Variants in ATM observed in about 807,000 individuals in gnomAD.
ATM encodes the protein ATM serine/threonine kinase.
A neutral mutation model predicts 387.0 loss-of-function variants in ATM; 308 were observed. The observed-to-expected ratio is 0.80, with a 90% CI of 0.73 to 0.87. ATM has a LOEUF of 0.87. Among genes scored for constraint, ATM ranks in the 40% least tolerant of loss-of-function variants. The pLI, the probability that ATM is intolerant of heterozygous loss-of-function variation, is 0.00. For missense variants in ATM, 3,312 were observed against 3,560.9 expected (o/e 0.93, Z 1.78); for synonymous variants, 1,156 against 1,187.3 (o/e 0.97, Z 0.54).
intron 43 of ATM, among the ~76,000 whole-genome samples, chr11:108,318,222 C>G (rs759964099): frequency 2.6e-5 from 4 of 151,784 alleles, no homozygotes; most frequent in Non-Finnish European, 5.9e-5. Flanking sequence ...ATTAGCCAGG[C>G]GTGGCAGCAT....
At position 108,367,371 on chromosome 11, in the gene ATM, T is replaced by G. The variant is rs1293539138; in HGVS notation, c.*1863T>G. On this transcript the variant is annotated 3_prime_UTR_variant, in exon 63 of 63. Transcript: ENST00000675843. Reference sequence around the variant, plus strand: ...TTAAAAGAATGTTTTCTACATTTTATCCAGCATTTCTCTGTGTTCTGTTGG... The same window carrying G: ...TTAAAAGAATGTTTTCTACATTTTAGCCAGCATTTCTCTGTGTTCTGTTGG... 2 of 191,158 alleles carry G rather than the reference T, an allele frequency of 1.0e-5. No homozygotes were observed. The highest frequency in any genetic ancestry group is 4.7e-5 in the African/African-American group (2 of 42,962). The allele number at this position is 191,158 out of a possible 1,614,324, so 11.8% of individuals were successfully genotyped here.
chr11:108,254,062 C>G (rs2135372770), intron 13 of ATM, 23 bp downstream of exon 13: 1 of 1,604,152 alleles, frequency 6.2e-7, no homozygotes, highest in Non-Finnish European at 8.5e-7. Context: ...AAAAAAAGAA[C>G]TAAGCTTATA....
At chr11:108,284,080 T>C in intron 25 of ATM, 147 bp from the exon 26 acceptor site, 3 of 627,682 alleles carry the variant, frequency 4.8e-6, no homozygotes, top group Non-Finnish European at 7.6e-6. Context: ...AATTTTTCCA[T>C]TTATAAAATT....
chr11:108,291,298 A>C (rs1198237065), intron 29 of ATM, among the ~76,000 whole-genome samples: 1 of 152,212 alleles, frequency 6.6e-6, no homozygotes, highest in East Asian at 1.9e-4. Flanking sequence ...AGCATCTCTG[A>C]TCTTTTCCAT....
rs780315379 is a variant in ATM, at chr11:108,271,162, CTTATG to C, written c.2921+24_2921+28del. The C allele has an allele frequency of 3.0e-5, 48 of 1,613,224 alleles. No homozygotes were observed. Among genetic ancestry groups the C allele is most frequent in the African/African-American group, 4.0e-5 (3 of 74,752 alleles). On this transcript the variant is annotated intron_variant, in intron 19 of 62. Transcript: ENST00000675843. ...AACCACTATCGTAAGAAATTAAAAC[CTTATG>C]TTATGTTCACTTTAAAGTTATAAAA... is the stretch of plus-strand genomic sequence containing the variant.
chr11:108,323,132 G>T (rs750583622), intron 45 of ATM, among the ~76,000 whole-genome samples: 3 of 152,170 alleles, frequency 2.0e-5, no homozygotes, highest in Non-Finnish European at 4.4e-5. Flanking sequence ...TGTTTTGGAA[G>T]TAGAAAAGAG....
Position 108,365,107 on chromosome 11 carries a change from A to C in ATM, c.8876A>C (p.Asp2959Ala). 3 of 1,614,128 alleles carry C rather than the reference A, an allele frequency of 1.9e-6. No individual in the cohort carries two copies. The highest frequency in any genetic ancestry group is 1.7e-5 in the Admixed American group (1 of 60,014). The change falls in exon 62 of 63, where the codon GAC becomes GCC. Residue 2959 changes from aspartate (D) to alanine (A), a missense_variant. Coordinates refer to ENST00000675843, the MANE Select transcript of ATM (RefSeq NM_000051.4). ...GTCCTTCTATATGATCCACTCTTTG[A>C]CTGGACCATGAATCCTTTGAAAGCT... ...VEVLLYDPLF[D>A]WTMNPLKALY...
chr11:108,316,648 G>A (rs958142840), intron 42 of ATM, among the ~76,000 whole-genome samples: 2 of 150,638 alleles, frequency 1.3e-5, no homozygotes, highest in African/African-American at 2.4e-5. Context: ...GGTGGCTTGC[G>A]CCTGTAATCC....
chr11:108,354,480 C>A lies in ATM; in HGVS notation c.8787-331C>A, dbSNP rs952779022. Among the ~76,000 whole-genome samples the A allele has an allele frequency of 3.3e-5, 5 of 152,340 alleles. No homozygotes were observed. In the East Asian group the frequency reaches 7.7e-4, roughly 23 times the overall value. On this transcript the variant is annotated intron_variant, in intron 60 of 62. Transcript: ENST00000675843. ...TCCCAGCATAGGTCTGTGTACTCAA[C>A]TTGGATTGGGGCAGATTGCAGTCAG... is the stretch of plus-strand genomic sequence containing the variant.
Position 108,284,458 on chromosome 11 carries a change from C to A in ATM, c.3978C>A (p.Asn1326Lys), listed in dbSNP as rs778123057. Residue 1326 changes from asparagine to lysine, a missense_variant, in exon 26 of 63, where the codon AAC (asparagine) becomes AAA (lysine). Asn to Lys is a moderately conservative substitution (Grantham distance 94). Coordinates refer to ENST00000675843, the MANE Select transcript of ATM (RefSeq NM_000051.4). ...TCTATGATATGCTTAAAAGTGAAAACTTATTGGGAAAACAGGTATGGCTTC... is the reference window on the plus strand; with the variant it reads ...TCTATGATATGCTTAAAAGTGAAAAATTATTGGGAAAACAGGTATGGCTTC... ...TKVYDMLKSE[N>K]LLGKQIDHLF... The A allele has an allele frequency of 7.4e-6, 12 of 1,613,808 alleles. No homozygotes were observed. In the African/African-American group the frequency reaches 1.5e-4, roughly 20 times the overall value.
In ATM at chr11:108,365,713, T is replaced by A. The variant is rs147355837; in HGVS notation, c.*205T>A. Reference sequence around the variant, plus strand: ...AAGGAACATCTCTGCTTTCACTCTTTAGAAATAATGGTCATTCGGGCTGGG... The same window carrying A: ...AAGGAACATCTCTGCTTTCACTCTTAAGAAATAATGGTCATTCGGGCTGGG... On this transcript the variant is annotated 3_prime_UTR_variant, in exon 63 of 63. Transcript: ENST00000675843. 1 of 687,360 alleles carries A rather than the reference T, an allele frequency of 1.5e-6. No individual in the cohort carries two copies. The highest frequency in any genetic ancestry group is 2.9e-5 in the Admixed American group (1 of 33,956). 42.6% of individuals were successfully genotyped at this position (687,360 alleles called of 1,614,324 possible).
At chr11:108,248,268 T>G (rs1416596542) in intron 8 of ATM, among the ~76,000 whole-genome samples, 1 of 152,180 alleles carries the variant, frequency 6.6e-6, no homozygotes, top group African/African-American at 2.4e-5. Context: ...AGTAGTAATT[T>G]CACTCTGTCA....
At chr11:108,273,331 CTTTTTTTTTTTT>C (rs563140198) in intron 22 of ATM, among the ~76,000 whole-genome samples, 29 of 80,656 alleles carry the variant, frequency 3.6e-4, no homozygotes, top group Non-Finnish European at 4.6e-4. Flanking sequence ...TAATTTCATT[CTTTTTTTTTTTT>C]TTTTTTTTTT....
At chr11:108,288,553 T>C (rs1357564376) in intron 27 of ATM, among the ~76,000 whole-genome samples, 1 of 150,840 alleles carries the variant, frequency 6.6e-6, no homozygotes, top group East Asian at 1.9e-4. Context: ...TATAAAATAG[T>C]AATAATATCT....
intron 3 of ATM, 35 bp downstream of exon 3, chr11:108,227,923 T>C: frequency 6.5e-7 from 1 of 1,527,042 alleles, no homozygotes; most frequent in Non-Finnish European, 9.0e-7. Context: ...TGTCTTTATT[T>C]TTCTCTTTCA....
chr11:108,317,114 A>AAC (rs2084734193), intron 42 of ATM, among the ~76,000 whole-genome samples: 1 of 150,514 alleles, frequency 6.6e-6, no homozygotes, highest in East Asian at 2.0e-4. Context: ...AAAAAAAAAA[A>AAC]AAAATTGTAG....
rs2082303886 is a variant in ATM, at chr11:108,282,821, A to G, written c.3688A>G (p.Asn1230Asp). The stretch of plus-strand genomic sequence containing the variant: ...GCTAAATCTTCAAGATACTGAATAC[A>G]ACTTATCTTCTTTTCCTTTTATTTT... ...EWLNLQDTEY[N>D]LSSFPFILLN... The change falls in exon 25 of 63, where the codon AAC (asparagine) becomes GAC (aspartate). Residue 1230 changes from asparagine (N) to aspartate (D), a missense_variant. Coordinates refer to ENST00000675843, the MANE Select transcript of ATM (RefSeq NM_000051.4). The G allele has an allele frequency of 6.4e-7, 1 of 1,552,676 alleles. No homozygotes were observed. Among genetic ancestry groups the G allele is most frequent in the Non-Finnish European group, 8.9e-7 (1 of 1,125,440 alleles).
intron 56 of ATM, among the ~76,000 whole-genome samples, chr11:108,337,305 T>C (rs1341453086): frequency 1.3e-5 from 2 of 152,236 alleles, no homozygotes; most frequent in Non-Finnish European, 2.9e-5. Flanking sequence ...TCTGCAATAA[T>C]AACTAACATA....
In ATM at chr11:108,345,752, A is replaced by G. The variant is rs730881325; in HGVS notation, c.8428A>G (p.Lys2810Glu). ...QCQKKMMEVQ[K>E]KSFEEKYEVF... ...TATTCTCTATTTAAAGGAGGTGCAA[A>G]AAAAGTCTTTTGAAGAGAAATATGA... The change falls in exon 58 of 63, where the codon AAA (lysine) becomes GAA (glutamate). Residue 2810 changes from lysine to glutamate, a missense_variant. Transcript: ENST00000675843. 1.2e-6 allele frequency: 2 copies of G among 1,610,722 alleles called. No homozygotes were observed. The highest frequency in any genetic ancestry group is 1.7e-6 in the Non-Finnish European group (2 of 1,177,956).
Sources: gnomAD v4.1 joint callset for allele counts (sites outside exome capture counted in the v4.1 genomes callset) on GRCh38, gnomAD v4.1.1 for gene constraint, MANE v1.5 for transcripts, NCBI Gene and HGNC (gene_info 2026-07-23, HGNC 2026-07-21) for gene names.